Variants in STK33 observed in about 807,000 individuals in gnomAD.
The protein encoded by STK33 is serine/threonine kinase 33.
A neutral mutation model predicts 58.0 loss-of-function variants in STK33; 52 were observed. That is an observed-to-expected ratio of 0.90 (90% CI 0.72 to 1.13). The LOEUF is 1.13. Among genes scored for constraint, STK33 ranks in the 50% most tolerant of loss-of-function variants. STK33 has a pLI of 0.00. For missense variants in STK33, 630 were observed against 604.2 expected (o/e 1.04, Z -0.45); for synonymous variants, 215 against 200.1 (o/e 1.07, Z -0.63).
intron 9 of STK33, among the ~76,000 whole-genome samples, chr11:8,455,153 T>G (rs1317105780): frequency 2.0e-5 from 3 of 152,174 alleles, no homozygotes; most frequent in Non-Finnish European, 4.4e-5. Flanking sequence ...GAGATCATCT[T>G]AGTCACAAAC....
At position 8,457,425 on chromosome 11, in the gene STK33, C is replaced by G. The variant is rs201729740; in HGVS notation, c.613G>C (p.Asp205His). Reference protein sequence around the residue: ...CEDGELKEILDRKGHFSENET... With the variant: ...CEDGELKEILHRKGHFSENET... ...TTCTCTGAGAAATGCCCTTTCCTATCCAGAATTTCTTTGAGTTCTCCATCC... is the reference window on the plus strand; with the variant it reads ...TTCTCTGAGAAATGCCCTTTCCTATGCAGAATTTCTTTGAGTTCTCCATCC... The change falls in exon 9 of 16, where the codon GAT becomes CAT. Residue 205 changes from aspartate (D) to histidine (H), a missense_variant. Physicochemically the swap from Asp to His is moderately conservative, Grantham distance 81 (BLOSUM62 -1). Transcript: ENST00000687296. 102 of 1,607,110 alleles carry G rather than the reference C, an allele frequency of 6.3e-5. No homozygotes were observed. The highest frequency in any genetic ancestry group is 8.3e-5 in the Admixed American group (5 of 59,974).
intron 1 of STK33, among the ~76,000 whole-genome samples, chr11:8,556,457 T>C (rs907530727): frequency 3.3e-5 from 5 of 152,206 alleles, no homozygotes; most frequent in Non-Finnish European, 7.3e-5. Context: ...TACCTAATTA[T>C]ATAAGCATCT....
the STK33 span, among the ~76,000 whole-genome samples, chr11:8,337,208 C>G: frequency 6.6e-6 from 1 of 152,202 alleles, no homozygotes; most frequent in Non-Finnish European, 1.5e-5. Flanking sequence ...TGTTCAAAGG[C>G]AAATCTAAAT....
At chr11:8,338,795 T>A in the STK33 span, among the ~76,000 whole-genome samples, 1 of 152,150 alleles carries the variant, frequency 6.6e-6, no homozygotes, top group Admixed American at 6.5e-5. Context: ...AATGGCCTTC[T>A]CATGTGTCCC....
the STK33 span, among the ~76,000 whole-genome samples, chr11:8,384,496 T>TA: frequency 2.6e-5 from 4 of 152,172 alleles, no homozygotes; most frequent in Non-Finnish European, 5.9e-5. Flanking sequence ...TCCGGAGGCT[T>TA]AAACGTCTCC....
intron 9 of STK33, 88 bp from the exon 10 acceptor site, chr11:8,454,920 A>AAT: frequency 7.8e-7 from 1 of 1,287,132 alleles, no homozygotes; most frequent in Non-Finnish European, 1.0e-6. Flanking sequence ...TTGACAAATT[A>AAT]ATATCCGCTG....
Position 8,580,399 on chromosome 11 carries a change from G to A in STK33, c.-466+13684C>T, listed in dbSNP as rs368410283. 2.4e-3 allele frequency among the ~76,000 whole-genome samples: 360 copies of A among 151,648 alleles called. 3 individuals are homozygous for A. The highest frequency in any genetic ancestry group is 8.0e-3 in the African/African-American group (332 of 41,372). ...AAAACATCAAATGTTCTCACTATTC[G>A]TGGGATCTAAAAATCAAAACAATTA... On this transcript the variant is annotated intron_variant, in intron 1 of 15. Coordinates refer to ENST00000687296, the MANE Select transcript of STK33 (RefSeq NM_001352389.2).
At chr11:8,582,996 T>C (rs2030688930) in intron 1 of STK33, among the ~76,000 whole-genome samples, 1 of 152,208 alleles carries the variant, frequency 6.6e-6, no homozygotes, top group South Asian at 2.1e-4. Flanking sequence ...GTTTAAAGTT[T>C]TCCAATGACT....
chr11:8,509,335 T>C (rs1952125251), intron 1 of STK33, among the ~76,000 whole-genome samples: 1 of 152,174 alleles, frequency 6.6e-6, no homozygotes, highest in Non-Finnish European at 1.5e-5. Flanking sequence ...TGTGTAGAAA[T>C]GGTTCTTTTC....
chr11:8,394,461 C>T (rs1411818983), intron 15 of STK33, among the ~76,000 whole-genome samples: 1 of 152,156 alleles, frequency 6.6e-6, no homozygotes, highest in Non-Finnish European at 1.5e-5. Flanking sequence ...TCAACATGTC[C>T]ACTACAACTA....
At chr11:8,560,729 A>G (rs1957062759) in intron 1 of STK33, among the ~76,000 whole-genome samples, 1 of 152,194 alleles carries the variant, frequency 6.6e-6, no homozygotes, top group Admixed American at 6.5e-5. Flanking sequence ...CAGGCCAGGC[A>G]CTGTTCTAAG....
At chr11:8,549,703 A>G (rs1956177388) in intron 1 of STK33, among the ~76,000 whole-genome samples, 1 of 152,102 alleles carries the variant, frequency 6.6e-6, no homozygotes, top group Non-Finnish European at 1.5e-5. Context: ...TCATGGTTCA[A>G]TTCTGATAGG....
chr11:8,449,390 C>T (rs930983026), intron 11 of STK33, among the ~76,000 whole-genome samples: 1 of 151,582 alleles, frequency 6.6e-6, no homozygotes, highest in African/African-American at 2.4e-5. Context: ...ACCCAAATGT[C>T]CAACAATGAT....
the STK33 span, among the ~76,000 whole-genome samples, chr11:8,385,396 T>G: frequency 6.6e-6 from 1 of 152,178 alleles, no homozygotes; most frequent in African/African-American, 2.4e-5. Context: ...TCCCCTTCCC[T>G]GATCATCCTG....
intron 15 of STK33, among the ~76,000 whole-genome samples, chr11:8,404,477 T>C (rs1938723112): frequency 6.6e-6 from 1 of 152,174 alleles, no homozygotes; most frequent in African/African-American, 2.4e-5. Context: ...TTTTTCAACA[T>C]AAATTAGCTT....
At chr11:8,506,265 C>T (rs1258505425) in intron 1 of STK33, among the ~76,000 whole-genome samples, 1 of 152,152 alleles carries the variant, frequency 6.6e-6, no homozygotes, top group Non-Finnish European at 1.5e-5. Flanking sequence ...CTTCTCAAGG[C>T]TAAACAGTTT....
chr11:8,443,009 A>G (rs192349792), intron 11 of STK33, among the ~76,000 whole-genome samples: 3 of 152,248 alleles, frequency 2.0e-5, no homozygotes, highest in African/African-American at 7.2e-5. Context: ...GAAATGTTCT[A>G]TGACTTGAAC....
At chr11:8,547,337 C>G (rs140882105) in intron 1 of STK33, among the ~76,000 whole-genome samples, 141 of 152,286 alleles carry the variant, frequency 9.3e-4, no homozygotes, top group African/African-American at 3.3e-3. Context: ...GCCTCAGCCT[C>G]CCTAGTAGCT....
intron 1 of STK33, among the ~76,000 whole-genome samples, chr11:8,553,867 A>T (rs1956542494): frequency 6.6e-6 from 1 of 152,114 alleles, no homozygotes; most frequent in African/African-American, 2.4e-5. Context: ...GAAAACACAG[A>T]GGTTAAGCTC....
Sources: allele counts gnomAD v4.1 joint callset (sites outside exome capture counted in the v4.1 genomes callset), GRCh38; gene constraint gnomAD v4.1.1; transcripts MANE v1.5; gene names NCBI Gene and HGNC (gene_info 2026-07-23, HGNC 2026-07-21).